STS: variants seen among roughly 807,000 people sequenced by gnomAD.
The protein encoded by STS is steroid sulfatase.
A neutral mutation model predicts 26.8 loss-of-function variants in STS; 7 were observed. That is an observed-to-expected ratio of 0.26 (90% CI 0.15 to 0.49). The LOEUF (loss-of-function observed/expected upper bound fraction) is 0.49, where lower values mean the gene tolerates loss of function less well. Ranked by LOEUF, STS falls within the 20% of genes least tolerant of loss-of-function variation. The probability of loss-of-function intolerance (pLI) is 0.98; values close to 1 mark genes in which losing one functional copy is unlikely to be tolerated. For missense variants in STS, 434 were observed against 465.6 expected (o/e 0.93, Z 0.63); for synonymous variants, 199 against 189.4 (o/e 1.05, Z -0.42).
chrX:7,248,910 C>T lies in STS; in HGVS notation c.-4-4286C>T, dbSNP rs745653757. 2.5e-4 allele frequency among the ~76,000 whole-genome samples: 28 copies of T among 110,751 alleles called. No homozygotes were observed. In the Admixed American group the frequency reaches 2.6e-3, roughly 10 times the overall value. ...TTATTTAAAAAAAATAATAATCTAC[C>T]ACCCATTTTTAATGGGAGCAAGGCT... On this transcript the variant is annotated intron_variant, in intron 2 of 10. Transcript: ENST00000674429.
intron 7 of STS, among the ~76,000 whole-genome samples, chrX:7,284,327 C>T (rs1463177531): frequency 1.8e-5 from 2 of 111,593 alleles, no homozygotes; most frequent in African/African-American, 6.5e-5. Context: ...ACTAAGAAAG[C>T]TGGCTTCCCT....
At chrX:7,288,748 T>C (rs1214687041) in intron 7 of STS, among the ~76,000 whole-genome samples, 1 of 109,341 alleles carries the variant, frequency 9.1e-6, no homozygotes, top group Non-Finnish European at 1.9e-5. Flanking sequence ...TCAGTACTCT[T>C]GGCTGGTGTG....
Position 7,329,895 on chromosome X carries a change from ATTGTTGTTG to A in STS, c.1242-4076_1242-4068del, listed in dbSNP as rs753872705. Among the ~76,000 whole-genome samples, 53 of 111,472 alleles carry A rather than the reference ATTGTTGTTG, an allele frequency of 4.8e-4. No individual in the cohort carries two copies. In the Admixed American group the frequency reaches 4.8e-3, roughly 10 times the overall value. On this transcript the variant is annotated intron_variant, in intron 9 of 10. Transcript: ENST00000674429. ...GGTAGTCCGGAGGAACACAGGAAAGATTGTTGTTGTTGTTGTTGTTGTTCTGTTTTTGTT... is the reference window on the plus strand; with the variant it reads ...GGTAGTCCGGAGGAACACAGGAAAGATTGTTGTTGTTGTTCTGTTTTTGTT...
At chrX:7,280,428 T>C (rs5934904) in intron 7 of STS, among the ~76,000 whole-genome samples, 39,815 of 110,725 alleles carry the variant, frequency 0.36, 5,292 homozygotes, top group East Asian at 0.4. Flanking sequence ...GTGGAATTCT[T>C]TGGGCAATCA....
Position 7,312,602 on chromosome X carries a change from TG to T in STS, c.1081+7420del, listed in dbSNP as rs1273045814. ...TCATGGGGGCGGGTCTTTCCTGTGC[TG>T]TTCTCGTGATAATGAATAAGTCTCA... On this transcript the variant is annotated intron_variant, in intron 8 of 10. Coordinates refer to ENST00000674429, the MANE Select transcript of STS (RefSeq NM_001320752.2). 3.6e-5 allele frequency among the ~76,000 whole-genome samples: 4 copies of T among 111,152 alleles called. No individual in the cohort carries two copies. In the East Asian group the frequency reaches 8.5e-4, roughly 24 times the overall value.
chrX:7,265,376 G>T (rs1307945008), intron 6 of STS, among the ~76,000 whole-genome samples: 2 of 111,831 alleles, frequency 1.8e-5, no homozygotes, highest in African/African-American at 6.5e-5. Context: ...CACCTTGTAT[G>T]ACATGTATTT....
At chrX:7,202,936 C>A (rs1000826172) in intron 2 of STS, among the ~76,000 whole-genome samples, 5 of 110,899 alleles carry the variant, frequency 4.5e-5, no homozygotes, top group Non-Finnish European at 9.4e-5. Flanking sequence ...CTCTCTCTAT[C>A]CATCTCTGTC....
intron 1 of STS, among the ~76,000 whole-genome samples, chrX:7,181,288 G>C (rs1401298832): frequency 3.6e-5 from 4 of 112,270 alleles, no homozygotes; most frequent in Middle Eastern, 4.7e-3. Context: ...AGAAACTATT[G>C]TTTTTTAGCC....
At chrX:7,349,315 CCTTTT>C (rs1928672129) in intron 10 of STS, among the ~76,000 whole-genome samples, 269 of 20,279 alleles carry the variant, frequency 0.013, 80 homozygotes, top group South Asian at 0.029. Context: ...TCATTTAATT[CCTTTT>C]TTTTTTTTTT....
chrX:7,223,523 T>C (rs747283641), intron 2 of STS, among the ~76,000 whole-genome samples: 1 of 112,363 alleles, frequency 8.9e-6, no homozygotes, highest in Non-Finnish European at 1.9e-5. Context: ...TGTTTTCATA[T>C]GTTTGTTGGG....
chrX:7,346,227 T>C (rs190440637), intron 10 of STS, among the ~76,000 whole-genome samples: 168 of 112,088 alleles, frequency 1.5e-3, no homozygotes, highest in Middle Eastern at 9.3e-3. Context: ...TCTTCTCTCA[T>C]GAGTTGAGTC....
At chrX:7,308,963 G>C (rs759941799) in intron 8 of STS, among the ~76,000 whole-genome samples, 1 of 111,791 alleles carries the variant, frequency 8.9e-6, no homozygotes, top group South Asian at 3.8e-4. Context: ...TCTAAACAAT[G>C]ATGACTTCTA....
rs1932904820 is a variant in STS, at chrX:7,147,849, C to G, written c.-368C>G. On this transcript the variant is annotated 5_prime_UTR_variant, in exon 1 of 11. Coordinates refer to ENST00000674429, the MANE Select transcript of STS (RefSeq NM_001320752.2). ...CGTAGACGCCGCGGCCACGCGCGCC[C>G]GCCAGCCCGGACATGGGCCCGCGGG... 6.0e-6 allele frequency: 1 copy of G among 166,442 alleles called. No individual in the cohort carries two copies. Among genetic ancestry groups the G allele is most frequent in the Admixed American group, 8.4e-5 (1 of 11,940 alleles). 13.7% of individuals were successfully genotyped at this position (166,442 alleles called of 1,213,427 possible).
intron 2 of STS, among the ~76,000 whole-genome samples, chrX:7,233,194 A>G (rs1342845409): frequency 7.6e-5 from 8 of 105,290 alleles, no homozygotes; most frequent in African/African-American, 2.8e-4. Context: ...CCAGGGTTCA[A>G]GCAATTCTCC....
intron 2 of STS, among the ~76,000 whole-genome samples, chrX:7,243,123 C>T (rs1280257169): frequency 4.5e-5 from 5 of 112,074 alleles, no homozygotes; most frequent in Admixed American, 9.4e-5. Context: ...AGTACAGTGG[C>T]GCAATCATAG....
intron 2 of STS, among the ~76,000 whole-genome samples, chrX:7,206,023 C>G (rs73192673): frequency 9.0e-6 from 1 of 111,494 alleles, no homozygotes; most frequent in Non-Finnish European, 1.9e-5. Flanking sequence ...CCACCCACTG[C>G]ACCCCCTATG....
chrX:7,336,440 C>G (rs17268988), intron 10 of STS, among the ~76,000 whole-genome samples: 24,330 of 111,181 alleles, frequency 0.22, 2,102 homozygotes, highest in Middle Eastern at 0.35. Context: ...TACAACCTTT[C>G]TATTAGCCAC....
chrX:7,235,554 T>C (rs1922276066), intron 2 of STS, among the ~76,000 whole-genome samples: 1 of 111,913 alleles, frequency 8.9e-6, no homozygotes, highest in Admixed American at 9.5e-5. Context: ...GGGAGAATCA[T>C]GAGCCCAGGA....
intron 7 of STS, among the ~76,000 whole-genome samples, chrX:7,298,844 T>C (rs1222404613): frequency 9.2e-6 from 1 of 108,239 alleles, no homozygotes; most frequent in Non-Finnish European, 1.9e-5. Context: ...TAGGGTACCA[T>C]TGTGCCCTGG....
Sources: gnomAD v4.1 joint callset for allele counts (sites outside exome capture counted in the v4.1 genomes callset) on GRCh38, gnomAD v4.1.1 for gene constraint, MANE v1.5 for transcripts, NCBI Gene and HGNC (gene_info 2026-07-23, HGNC 2026-07-21) for gene names.